Variants in LDB2 observed in about 807,000 individuals in gnomAD.
LDB2 encodes the protein LIM domain binding 2.
LDB2 carries 12 observed loss-of-function variants against 44.3 expected under a neutral mutation model. The ratio of observed to expected loss-of-function variants is 0.27; its 90% CI spans 0.17 to 0.44. LDB2 has a LOEUF of 0.44. LDB2 is among the 20% of genes least tolerant of loss of function. The probability of loss-of-function intolerance (pLI) is 1.00; values close to 1 mark genes in which losing one functional copy is unlikely to be tolerated. For missense variants in LDB2, 344 were observed against 473.5 expected (o/e 0.73, Z 2.54); for synonymous variants, 164 against 174.8 (o/e 0.94, Z 0.49).
intron 1 of LDB2, among the ~76,000 whole-genome samples, chr4:16,862,307 G>GT (rs1712891783): frequency 6.6e-6 from 1 of 151,140 alleles, no homozygotes; most frequent in African/African-American, 2.4e-5. Context: ...TGATACCAGT[G>GT]TAAGGATGGA....
intron 2 of LDB2, among the ~76,000 whole-genome samples, chr4:16,628,874 C>A (rs1051215977): frequency 2.0e-5 from 3 of 152,186 alleles, no homozygotes; most frequent in African/African-American, 4.8e-5. Context: ...AGTGACTGTA[C>A]CTGGAGAAGC....
intron 5 of LDB2, among the ~76,000 whole-genome samples, chr4:16,584,725 T>C (rs574299782): frequency 6.6e-6 from 1 of 152,314 alleles, no homozygotes; most frequent in Admixed American, 6.5e-5. Flanking sequence ...GACCTCAGTC[T>C]TCATGGGCCA....
At chr4:16,675,594 C>A (rs1343435559) in intron 2 of LDB2, among the ~76,000 whole-genome samples, 9 of 151,410 alleles carry the variant, frequency 5.9e-5, no homozygotes, top group Non-Finnish European at 1.3e-4. Context: ...AAAAAAAAAC[C>A]CTTAATTGGT....
At chr4:16,883,056 G>A (rs1296916093) in intron 1 of LDB2, among the ~76,000 whole-genome samples, 1 of 152,180 alleles carries the variant, frequency 6.6e-6, no homozygotes, top group Non-Finnish European at 1.5e-5. Flanking sequence ...TTTATGTGCG[G>A]GTTTTAAGAC....
intron 2 of LDB2, among the ~76,000 whole-genome samples, chr4:16,695,869 C>T (rs1000748760): frequency 8.5e-5 from 13 of 152,120 alleles, no homozygotes; most frequent in African/African-American, 3.1e-4. Flanking sequence ...CATTCTTAGC[C>T]TGCAGACCAT....
chr4:16,825,037 G>A (rs886915087), intron 1 of LDB2, among the ~76,000 whole-genome samples: 11 of 152,220 alleles, frequency 7.2e-5, no homozygotes, highest in African/African-American at 2.7e-4. Flanking sequence ...CAATGCAGTG[G>A]TAGCTGAGAT....
At chr4:16,867,587 T>A (rs1715127097) in intron 1 of LDB2, among the ~76,000 whole-genome samples, 1 of 152,140 alleles carries the variant, frequency 6.6e-6, no homozygotes, top group Non-Finnish European at 1.5e-5. Context: ...GTTTTCTAGG[T>A]AAAGAAGGAT....
intron 2 of LDB2, among the ~76,000 whole-genome samples, chr4:16,736,884 ATTG>A (rs1291098114): frequency 2.0e-5 from 3 of 152,206 alleles, no homozygotes; most frequent in Admixed American, 1.3e-4. Flanking sequence ...AAACACAAAA[ATTG>A]TTAAGTGTCT....
At chr4:16,777,979 C>T (rs1772321455) in intron 1 of LDB2, among the ~76,000 whole-genome samples, 1 of 152,082 alleles carries the variant, frequency 6.6e-6, no homozygotes, top group Admixed American at 6.5e-5. Flanking sequence ...CTGCCTTCCT[C>T]CCCCATCCCT....
chr4:16,516,057 G>A (rs892793974), intron 5 of LDB2, among the ~76,000 whole-genome samples: 98 of 151,340 alleles, frequency 6.5e-4, no homozygotes, highest in African/African-American at 2.2e-3. Context: ...TAGTAGAGAC[G>A]GGATTTCACC....
At chr4:16,817,443 T>C (rs948136237) in intron 1 of LDB2, among the ~76,000 whole-genome samples, 2 of 152,176 alleles carry the variant, frequency 1.3e-5, no homozygotes, top group African/African-American at 4.8e-5. Context: ...CAATTTTTTA[T>C]CTCTTTTAAG....
chr4:16,839,474 C>T (rs1299955640), intron 1 of LDB2, among the ~76,000 whole-genome samples: 1 of 152,194 alleles, frequency 6.6e-6, no homozygotes, highest in Admixed American at 6.5e-5. Context: ...TTCCATTAGG[C>T]CTCACCTCCA....
intron 5 of LDB2, among the ~76,000 whole-genome samples, chr4:16,512,435 C>T (rs1372843935): frequency 9.7e-6 from 1 of 102,864 alleles, no homozygotes; most frequent in Non-Finnish European, 2.0e-5. Flanking sequence ...ATAACTCTTT[C>T]TGGTTAAAAA....
chr4:16,762,851 C>G (rs900718407), intron 1 of LDB2, among the ~76,000 whole-genome samples: 1 of 152,112 alleles, frequency 6.6e-6, no homozygotes, highest in Non-Finnish European at 1.5e-5. Flanking sequence ...AAAGAAAGTA[C>G]TCAAGTTACA....
intron 2 of LDB2, among the ~76,000 whole-genome samples, chr4:16,670,956 C>T (rs1486052835): frequency 1.3e-5 from 2 of 152,146 alleles, no homozygotes; most frequent in African/African-American, 4.8e-5. Context: ...TCTGCTTCTA[C>T]ATGAGAAAGA....
intron 1 of LDB2, among the ~76,000 whole-genome samples, chr4:16,821,387 A>ATTAT (rs1781959403): frequency 7.7e-6 from 1 of 130,696 alleles, no homozygotes; most frequent in Non-Finnish European, 1.7e-5. Flanking sequence ...TTTTTTTTTT[A>ATTAT]TTTTTTTTTT....
intron 3 of LDB2, among the ~76,000 whole-genome samples, chr4:16,592,226 T>C (rs933020952): frequency 2.6e-5 from 4 of 152,266 alleles, no homozygotes; most frequent in African/African-American, 9.6e-5. Context: ...CTTTTCTTTC[T>C]TTGGCTAATT....
At chr4:16,641,839 T>A (rs1017250851) in intron 2 of LDB2, among the ~76,000 whole-genome samples, 1 of 152,050 alleles carries the variant, frequency 6.6e-6, no homozygotes, top group African/African-American at 2.4e-5. Context: ...CAGAGTCACA[T>A]TGAAAACAAG....
At chr4:16,698,372 T>C (rs1016737361) in intron 2 of LDB2, among the ~76,000 whole-genome samples, 1 of 152,182 alleles carries the variant, frequency 6.6e-6, no homozygotes, top group Non-Finnish European at 1.5e-5. Flanking sequence ...TCAAAAACGA[T>C]GTCACCATTT....
Sources: gnomAD v4.1 joint callset for allele counts (sites outside exome capture counted in the v4.1 genomes callset) on GRCh38, gnomAD v4.1.1 for gene constraint, MANE v1.5 for transcripts, NCBI Gene and HGNC (gene_info 2026-07-23, HGNC 2026-07-21) for gene names.